PAICS: variants seen among roughly 807,000 people sequenced by gnomAD.
The protein encoded by PAICS is bifunctional phosphoribosylaminoimidazole carboxylase/phosphoribosylaminoimidazole succinocarboxamide synthetase.
Under a neutral mutation model 53.7 loss-of-function variants are expected in PAICS, and 33 were observed. The observed-to-expected ratio is 0.61, with a 90% confidence interval of 0.47 to 0.82. PAICS has a LOEUF of 0.82. PAICS is among the 40% of genes least tolerant of loss of function. The probability of loss-of-function intolerance (pLI) is 0.00; values close to 1 mark genes in which losing one functional copy is unlikely to be tolerated. For synonymous variants in PAICS, 141 were observed against 167.2 expected (o/e 0.84, Z 1.21); for missense variants, 394 against 494.1 (o/e 0.80, Z 1.92).
chr4:56,427,903 C>A, the PAICS span, among the ~76,000 whole-genome samples: 8 of 152,202 alleles, frequency 5.3e-5, no homozygotes, highest in South Asian at 1.7e-3. Context: ...CTTCCTTATA[C>A]CTGAGTTGGT....
intron 3 of PAICS, among the ~76,000 whole-genome samples, chr4:56,447,594 T>G (rs966470183): frequency 1.3e-5 from 2 of 152,180 alleles, no homozygotes; most frequent in Non-Finnish European, 2.9e-5. Context: ...AAGATTTGAT[T>G]GATTAAAATG....
intron 8 of PAICS, among the ~76,000 whole-genome samples, chr4:56,458,820 T>C (rs1234801819): frequency 2.0e-5 from 3 of 152,326 alleles, no homozygotes; most frequent in African/African-American, 7.2e-5. Flanking sequence ...CCCTAGGATG[T>C]TACTTTTTTA....
At chr4:56,443,958 A>G (rs1225988952) in intron 2 of PAICS, among the ~76,000 whole-genome samples, 4 of 152,372 alleles carry the variant, frequency 2.6e-5, no homozygotes, top group South Asian at 2.1e-4. Context: ...GTCTAGTACT[A>G]TGAAACTAAG....
chr4:56,439,619 C>T (rs562240424), intron 1 of PAICS, among the ~76,000 whole-genome samples: 1 of 152,082 alleles, frequency 6.6e-6, no homozygotes, highest in Non-Finnish European at 1.5e-5. Context: ...CATCTTTGCC[C>T]ACTACTCTTT....
rs1317270891 is a variant in PAICS, at chr4:56,453,736, G to A, written c.1086G>A (p.Val362=). The change falls in exon 8 of 9, where the codon GTG becomes GTA. Residue 362 remains valine (V), a synonymous_variant. Coordinates refer to ENST00000512576, the MANE Select transcript of PAICS (RefSeq NM_001079524.2). The stretch of plus-strand genomic sequence containing the variant: ...CACCAGACTGGGGAGTTCAGGATGT[G>A]TGGTCTTCTCTTCGACTACCCAGTG... ...PLTPDWGVQD[V]WSSLRLPSGL... 2 of 1,548,810 alleles carry A rather than the reference G, an allele frequency of 1.3e-6. No individual in the cohort carries two copies. The highest frequency in any genetic ancestry group is 1.7e-6 in the Non-Finnish European group (2 of 1,144,296).
chr4:56,452,116 TTAGAC>T (rs1460733651), intron 7 of PAICS, 64 bp downstream of exon 7: 12 of 1,021,130 alleles, frequency 1.2e-5, no homozygotes, highest in African/African-American at 9.7e-5. Flanking sequence ...ATTACACACT[TTAGAC>T]TAATAATGCT....
At chr4:56,418,228 G>C in the PAICS span, among the ~76,000 whole-genome samples, 3 of 152,244 alleles carry the variant, frequency 2.0e-5, no homozygotes, top group South Asian at 4.1e-4. Flanking sequence ...ACTTGAACCT[G>C]GGAGGTTCAG....
chr4:56,442,089 A>T (rs1718373252), intron 2 of PAICS: 1 of 441,806 alleles, frequency 2.3e-6, no homozygotes, highest in East Asian at 3.8e-5. Context: ...TGTAATCTTT[A>T]TCTGGCACAT....
Position 56,450,649 on chromosome 4 carries a change from G to A in PAICS, c.718G>A (p.Glu240Lys). 2 of 1,547,012 alleles carry A rather than the reference G, an allele frequency of 1.3e-6. No homozygotes were observed. The highest frequency in any genetic ancestry group is 1.8e-6 in the Non-Finnish European group (2 of 1,138,896). ...SYRDLKEVTP[E>K]GLQMVKKNFE... Reference sequence around the variant, plus strand: ...TCGGGACCTCAAAGAAGTAACTCCTGAAGGGCTCCAAATGGTAAAGAAAAA... The same window carrying A: ...TCGGGACCTCAAAGAAGTAACTCCTAAAGGGCTCCAAATGGTAAAGAAAAA... The change falls in exon 6 of 9, where the codon GAA becomes AAA. Residue 240 changes from glutamate to lysine, a missense_variant. Physicochemically the swap from Glu to Lys is moderately conservative, Grantham distance 56. This residue lies in a region of PAICS where 131 missense variants were observed against 205.5 expected (regional missense o/e 0.64). Transcript: ENST00000512576.
At chr4:56,434,427 T>A (rs891317544), upstream of PAICS, among the ~76,000 whole-genome samples, 2 of 152,256 alleles carry the variant, frequency 1.3e-5, no homozygotes, top group Admixed American at 1.3e-4. Context: ...ATACTTTCAG[T>A]AAGAATATCA....
At position 56,436,318 on chromosome 4, in the gene PAICS, G is replaced by A; in HGVS notation, c.6G>A (p.Ala2=). Reference sequence around the variant, plus strand: ...CCCTCAGCCCACTTAGGATAATGGCGACAGCTGAGGGTGAGTAACAGGGAT... The same window carrying A: ...CCCTCAGCCCACTTAGGATAATGGCAACAGCTGAGGGTGAGTAACAGGGAT... The part of the protein sequence containing the change: M[A]TAEVLNIGKK... The change falls in exon 1 of 9, where the codon GCG becomes GCA. Residue 2 remains alanine, a synonymous_variant. Coordinates refer to ENST00000512576, the MANE Select transcript of PAICS (RefSeq NM_001079524.2). 1.9e-6 allele frequency: 3 copies of A among 1,601,494 alleles called. No homozygotes were observed. Among genetic ancestry groups the A allele is most frequent in the Non-Finnish European group, 2.6e-6 (3 of 1,173,822 alleles).
upstream of PAICS, among the ~76,000 whole-genome samples, chr4:56,434,626 G>C (rs919389270): frequency 1.3e-5 from 2 of 152,170 alleles, no homozygotes; most frequent in African/African-American, 2.4e-5. Flanking sequence ...CCCTTTTGAA[G>C]AAGGGAGTTA....
the PAICS span, among the ~76,000 whole-genome samples, chr4:56,425,608 G>C: frequency 6.6e-6 from 1 of 152,176 alleles, no homozygotes; most frequent in Non-Finnish European, 1.5e-5. Flanking sequence ...CTGGCACAAA[G>C]CATCAACAAC....
upstream of PAICS, chr4:56,431,485 C>G (rs915003693): frequency 1.0e-6 from 1 of 974,258 alleles, no homozygotes; most frequent in African/African-American, 1.8e-5. Flanking sequence ...TTCCTCAAAG[C>G]GTAATAACAG....
chr4:56,444,729 T>C (rs1718514403), intron 2 of PAICS, among the ~76,000 whole-genome samples: 1 of 152,202 alleles, frequency 6.6e-6, no homozygotes, highest in Non-Finnish European at 1.5e-5. Context: ...TTAGAAACTT[T>C]TAGGGATTTT....
the PAICS span, among the ~76,000 whole-genome samples, chr4:56,412,034 T>C: frequency 6.6e-6 from 1 of 152,318 alleles, no homozygotes; most frequent in East Asian, 1.9e-4. Context: ...CCTTCGACTC[T>C]TCATTATTTA....
the PAICS span, among the ~76,000 whole-genome samples, chr4:56,429,796 C>A: frequency 6.6e-6 from 1 of 152,168 alleles, no homozygotes; most frequent in Admixed American, 6.5e-5. Context: ...ATCATCCTTC[C>A]GCCCCCATAA....
intron 8 of PAICS, among the ~76,000 whole-genome samples, chr4:56,456,856 T>C (rs889315958): frequency 2.0e-5 from 3 of 152,130 alleles, no homozygotes; most frequent in African/African-American, 7.2e-5. Flanking sequence ...CTGTTGCATA[T>C]AGTTACTTTC....
In PAICS at chr4:56,450,657, C is replaced by G; in HGVS notation, c.726C>G (p.Leu242=). The G allele has an allele frequency of 6.5e-7, 1 of 1,547,500 alleles. No individual in the cohort carries two copies. The highest frequency in any genetic ancestry group is 8.8e-7 in the Non-Finnish European group (1 of 1,139,250). ...RDLKEVTPEG[L]QMVKKNFEWV... is the part of the protein sequence containing the mutation. The stretch of plus-strand genomic sequence containing the variant: ...TCAAAGAAGTAACTCCTGAAGGGCT[C>G]CAAATGGTAAAGAAAAACTTTGAGT... The change falls in exon 6 of 9, where the codon CTC becomes CTG. Residue 242 remains leucine, a synonymous_variant. Transcript: ENST00000512576.
Sources: allele counts gnomAD v4.1 joint callset (sites outside exome capture counted in the v4.1 genomes callset), GRCh38; gene constraint gnomAD v4.1.1; regional missense constraint gnomAD v4.1.1; transcripts MANE v1.5; gene names NCBI Gene and HGNC (gene_info 2026-07-23, HGNC 2026-07-21).